AKAP3: variants seen among roughly 807,000 people sequenced by gnomAD.
AKAP3 encodes A-kinase anchoring protein 3, also known as A-kinase anchor protein 3.
A neutral mutation model predicts 57.2 loss-of-function variants in AKAP3; 27 were observed. That is an observed-to-expected ratio of 0.47 (90% CI 0.35 to 0.65). The LOEUF (loss-of-function observed/expected upper bound fraction) is 0.65, where lower values mean the gene tolerates loss of function less well. Among genes scored for constraint, AKAP3 ranks in the 30% least tolerant of loss-of-function variants. The pLI is 0.01. For missense variants in AKAP3, 959 were observed against 1,040.0 expected, an observed-to-expected ratio of 0.92 and a Z score of 1.07; for synonymous variants, 334 against 392.3, an observed-to-expected ratio of 0.85 and a Z score of 1.76.
intron 3 of AKAP3, among the ~76,000 whole-genome samples, chr12:4,640,947 T>A (rs1945629265): frequency 1.3e-5 from 2 of 152,094 alleles, no homozygotes; most frequent in African/African-American, 2.4e-5. Context: ...GAATTGAGAA[T>A]TCCTAGACCA....
intron 1 of AKAP3, chr12:4,648,071 G>A (rs1945720452): frequency 6.6e-6 from 1 of 152,198 alleles, no homozygotes; most frequent in African/African-American, 2.4e-5. Context: ...CAGGATCACT[G>A]GTTGCCATCT....
chr12:4,641,912 A>G lies in AKAP3; in HGVS notation c.-14T>C, dbSNP rs1359419452. 6.6e-6 allele frequency: 1 copy of G among 152,240 alleles called. No homozygotes were observed. The highest frequency in any genetic ancestry group is 1.9e-4 in the East Asian group (1 of 5,204). 9.4% of individuals were successfully genotyped at this position (152,240 alleles called of 1,614,324 possible). ...GTGATCACTTACTCTTACAGAGGAT[A>G]GGTTCTGAGATATGAGGAAAGCTCT... On this transcript the variant is annotated 5_prime_UTR_variant, in exon 3 of 6. Coordinates refer to ENST00000228850, the MANE Select transcript of AKAP3 (RefSeq NM_001278309.2).
At position 4,626,779 on chromosome 12, in the gene AKAP3, G is replaced by GT; in HGVS notation, c.2122_2123insA (p.Ser708TyrfsTer6). 1 of 1,611,962 alleles carries GT rather than the reference G, an allele frequency of 6.2e-7. No homozygotes were observed. The highest frequency in any genetic ancestry group is 8.5e-7 in the Non-Finnish European group (1 of 1,179,894). On this transcript the variant is annotated frameshift_variant, in exon 5 of 6. Transcript: ENST00000228850. LOFTEE classifies it high-confidence loss of function. ...CTCATATAAACTATCTGGGAAGGCC[G>GT]AAGTTAGCCTACTGGCATCTCCAGA...
At chr12:4,630,463 G>A (rs1407531625) in intron 4 of AKAP3, among the ~76,000 whole-genome samples, 2 of 140,180 alleles carry the variant, frequency 1.4e-5, no homozygotes, top group Non-Finnish European at 3.1e-5. Context: ...TGATTACTTG[G>A]AAAGAAAAGA....
At position 4,635,226 on chromosome 12, in the gene AKAP3, T is replaced by C. The variant is rs373428166; in HGVS notation, c.96+2875A>G. 5 of 266,626 alleles carry C rather than the reference T, an allele frequency of 1.9e-5. No individual in the cohort carries two copies. The South Asian group carries it at 4.0e-4, about 21-fold the overall frequency. 16.5% of individuals were successfully genotyped at this position (266,626 alleles called of 1,614,324 possible). A position where few individuals can be genotyped will look rare whatever the true frequency, so the allele number is the denominator to read the frequency against. On this transcript the variant is annotated intron_variant, in intron 4 of 5. Transcript: ENST00000228850. ...CTTAAAATAATTCTGCATTAGAAACTTGACTCTATCATAAGTCTCTTTTGG... is the reference window on the plus strand; with the variant it reads ...CTTAAAATAATTCTGCATTAGAAACCTGACTCTATCATAAGTCTCTTTTGG...
chr12:4,626,292 CCT>C (rs377342247), intron 5 of AKAP3, among the ~76,000 whole-genome samples: 63 of 152,318 alleles, frequency 4.1e-4, no homozygotes, highest in African/African-American at 1.2e-3. Flanking sequence ...CATTTATCCC[CCT>C]GTTCCCCTTT....
intron 3 of AKAP3, 48 bp from the exon 4 acceptor site, chr12:4,638,244 T>G (rs372417038): frequency 5.2e-5 from 68 of 1,309,664 alleles, no homozygotes; most frequent in East Asian, 1.8e-4. Flanking sequence ...AAGGGCAGAT[T>G]TTATGAAAGT....
intron 4 of AKAP3, among the ~76,000 whole-genome samples, chr12:4,636,899 G>T (rs1322481522): frequency 1.3e-5 from 2 of 152,068 alleles, no homozygotes; most frequent in Admixed American, 1.3e-4. Context: ...ACAGACGTGT[G>T]CAACCACTCT....
rs1273827701 is a variant in AKAP3, at chr12:4,627,714, T to A, written c.1188A>T (p.Lys396Asn). The change falls in exon 5 of 6, where the codon AAA (lysine) becomes AAT (asparagine). Residue 396 changes from lysine (K) to asparagine (N), a missense_variant. By Grantham distance (94) the Lys-to-Asn change is moderately conservative. Transcript: ENST00000228850. Reference protein sequence around the residue: ...FAKKVPEHVRKAQDKAESYSL... With the variant: ...FAKKVPEHVRNAQDKAESYSL... ...AATAACTCTCAGCCTTGTCTTGGGC[T>A]TTCCTGACATGCTCAGGGACTTTCT... is the stretch of plus-strand genomic sequence containing the variant. 6.2e-7 allele frequency: 1 copy of A among 1,614,148 alleles called. No homozygotes were observed. Among genetic ancestry groups the A allele is most frequent in the South Asian group, 1.1e-5 (1 of 91,078 alleles).
intron 5 of AKAP3, among the ~76,000 whole-genome samples, chr12:4,618,660 C>T (rs1352579815): frequency 1.3e-5 from 2 of 152,210 alleles, no homozygotes; most frequent in Non-Finnish European, 2.9e-5. Flanking sequence ...TGTTTGACTC[C>T]AGTGGTAACC....
chr12:4,618,984 T>C (rs1259754722), intron 5 of AKAP3, among the ~76,000 whole-genome samples: 1 of 152,076 alleles, frequency 6.6e-6, no homozygotes, highest in Non-Finnish European at 1.5e-5. Context: ...AAGAAAACAA[T>C]CCAACCAAAT....
At position 4,625,676 on chromosome 12, in the gene AKAP3, A is replaced by T. The variant is rs1945402681; in HGVS notation, c.2406+820T>A. ...CAATCAAGAGGAGACAATCAAAAGC[A>T]CTGAGGAAGAGAAAATGAGAGAGAG... On this transcript the variant is annotated intron_variant, in intron 5 of 5. Transcript: ENST00000228850. The surrounding 1 kb of genome is among the most constrained non-coding windows in gnomAD (Gnocchi z 5.4). 6.8e-6 allele frequency among the ~76,000 whole-genome samples: 1 copy of T among 146,838 alleles called. No homozygotes were observed. The highest frequency in any genetic ancestry group is 2.6e-5 in the African/African-American group (1 of 38,752).
chr12:4,618,014 A>AATAG, intron 5 of AKAP3, among the ~76,000 whole-genome samples: 1 of 152,218 alleles, frequency 6.6e-6, no homozygotes. Context: ...TCAAAAATGC[A>AATAG]ATAGATAAAT....
intron 3 of AKAP3, among the ~76,000 whole-genome samples, chr12:4,641,442 G>A (rs1197993591): frequency 6.6e-6 from 1 of 152,180 alleles, no homozygotes; most frequent in Non-Finnish European, 1.5e-5. Flanking sequence ...TCGAACTCCT[G>A]ACCTCAAGTG....
intron 5 of AKAP3, among the ~76,000 whole-genome samples, chr12:4,622,995 A>G (rs1945364235): frequency 6.6e-6 from 1 of 152,200 alleles, no homozygotes; most frequent in Non-Finnish European, 1.5e-5. Context: ...AAGAAGACAT[A>G]CGTGTGGCCA....
At position 4,628,551 on chromosome 12, in the gene AKAP3, G is replaced by A. The variant is rs775062168; in HGVS notation, c.351C>T (p.Asn117=). The part of the protein sequence containing the change: ...PCQGPRAQLG[N]GSSVDEVSFY... ...AGGAAACTTCATCTACTGAACTCCC[G>A]TTGCCAAGTTGGGCCCTGGGGCCCT... is the stretch of plus-strand genomic sequence containing the variant. The change falls in exon 5 of 6, where the codon AAC becomes AAT. Residue 117 remains asparagine, a synonymous_variant. Coordinates refer to ENST00000228850, the MANE Select transcript of AKAP3 (RefSeq NM_001278309.2). 2.2e-5 allele frequency: 35 copies of A among 1,614,054 alleles called. No homozygotes were observed. The highest frequency in any genetic ancestry group is 8.3e-5 in the Admixed American group (5 of 60,000).
intron 5 of AKAP3, among the ~76,000 whole-genome samples, chr12:4,626,133 C>T (rs1945409193): frequency 6.6e-6 from 1 of 152,162 alleles, no homozygotes; most frequent in South Asian, 2.1e-4. Context: ...CCCAGGGCTA[C>T]TTTCCAGCTT....
In AKAP3 at chr12:4,635,080, G is replaced by GA. The variant is rs1945547042; in HGVS notation, c.96+3020dup. Among the ~76,000 whole-genome samples the GA allele has an allele frequency of 2.6e-5, 4 of 152,226 alleles. No homozygotes were observed. The East Asian group carries it at 7.7e-4, about 29-fold the overall frequency. ...GTCATTTGTCTATATTGCTAGCGATGAGAAATTATTCCCCCTAACCTTCCA... is the reference window on the plus strand; with the variant it reads ...GTCATTTGTCTATATTGCTAGCGATGAAGAAATTATTCCCCCTAACCTTCCA... On this transcript the variant is annotated intron_variant, in intron 4 of 5. Transcript: ENST00000228850.
chr12:4,624,315 ACGTGTGTGTGTGTG>A (rs1301075464), intron 5 of AKAP3, among the ~76,000 whole-genome samples: 3,486 of 146,278 alleles, frequency 0.024, 90 homozygotes, highest in African/African-American at 0.053. Context: ...TTGTGACTTT[ACGTGTGTGTGTGTG>A]TGTGTGTGTG....
Sources: allele counts gnomAD v4.1 joint callset (sites outside exome capture counted in the v4.1 genomes callset), GRCh38; gene constraint gnomAD v4.1.1; non-coding constraint Gnocchi (gnomAD v3.1); transcripts MANE v1.5; gene names NCBI Gene and HGNC (gene_info 2026-07-23, HGNC 2026-07-21).